Variants in RPS6KC1 observed in about 807,000 individuals in gnomAD.
The protein encoded by RPS6KC1 is ribosomal protein S6 kinase C1, also known as inactive ribosomal protein S6 kinase delta-1.
Under a neutral mutation model 103.8 loss-of-function variants are expected in RPS6KC1, and 54 were observed. The observed-to-expected ratio is 0.52, with a 90% confidence interval of 0.42 to 0.65. The LOEUF (loss-of-function observed/expected upper bound fraction) is 0.65. Among genes scored for constraint, RPS6KC1 ranks in the 30% least tolerant of loss-of-function variants. RPS6KC1 has a pLI of 0.00. For missense variants in RPS6KC1, 1,151 were observed against 1,253.8 expected, an observed-to-expected ratio of 0.92 and a Z score of 1.24; for synonymous variants, 439 against 438.7, an observed-to-expected ratio of 1.00 and a Z score of -0.01.
chr1:213,767,438 C>T, the RPS6KC1 span, among the ~76,000 whole-genome samples: 82,079 of 151,946 alleles, frequency 0.54, 23,914 homozygotes, highest in East Asian at 0.83. Context: ...TCTTCCCCTC[C>T]TCTGACCTAT....
chr1:213,209,524 C>T (rs1031300943), intron 8 of RPS6KC1, among the ~76,000 whole-genome samples: 3 of 151,808 alleles, frequency 2.0e-5, no homozygotes, highest in Non-Finnish European at 4.4e-5. Flanking sequence ...GGTGAAACTC[C>T]ATTTCTACTA....
At chr1:213,808,073 G>A in the RPS6KC1 span, among the ~76,000 whole-genome samples, 11 of 152,288 alleles carry the variant, frequency 7.2e-5, no homozygotes, top group East Asian at 5.8e-4. Context: ...TATCAGCAGC[G>A]GTGTCTGCAG....
the RPS6KC1 span, among the ~76,000 whole-genome samples, chr1:213,618,904 A>G: frequency 6.6e-6 from 1 of 152,372 alleles, no homozygotes; most frequent in African/African-American, 2.4e-5. Flanking sequence ...CTCAAGAGGT[A>G]CCTGACCAGA....
At chr1:213,338,127 TTAAA>T in the RPS6KC1 span, among the ~76,000 whole-genome samples, 1 of 152,190 alleles carries the variant, frequency 6.6e-6, no homozygotes, top group Non-Finnish European at 1.5e-5. Context: ...TTCCTTAATG[TTAAA>T]TAAATAATTA....
At chr1:213,206,795 A>G (rs1374014443) in intron 8 of RPS6KC1, among the ~76,000 whole-genome samples, 1 of 152,100 alleles carries the variant, frequency 6.6e-6, no homozygotes, top group African/African-American at 2.4e-5. Context: ...TCCTTGTACA[A>G]AATTTTTTCT....
intron 6 of RPS6KC1, among the ~76,000 whole-genome samples, chr1:213,152,563 G>T (rs2089299963): frequency 1.3e-5 from 2 of 149,958 alleles, no homozygotes; most frequent in Non-Finnish European, 3.0e-5. Context: ...TCCCAGACGG[G>T]GTTGCCGCCG....
intron 4 of RPS6KC1, among the ~76,000 whole-genome samples, chr1:213,109,769 CTTG>C (rs2082837587): frequency 6.6e-6 from 1 of 150,454 alleles, no homozygotes; most frequent in South Asian, 2.1e-4. Context: ...CATACAAGTT[CTTG>C]TGCAGACAGG....
chr1:213,241,232 A>G lies in RPS6KC1; in HGVS notation c.1756A>G (p.Thr586Ala), dbSNP rs1206694765. 4 of 1,613,754 alleles carry G rather than the reference A, an allele frequency of 2.5e-6. No homozygotes were observed. The African/African-American group carries it at 5.3e-5, about 22-fold the overall frequency. The stretch of plus-strand genomic sequence containing the variant: ...CCCAGAAGCAGTTAGTTCTCCAAGA[A>G]CATCAGATTCCCTCAGTAGATCAAA... ...DDPEAVSSPR[T>A]SDSLSRSKNS... is the part of the protein sequence containing the mutation. Residue 586 changes from threonine to alanine, a missense_variant, in exon 11 of 15, where the codon ACA becomes GCA. Physicochemically the swap from Thr to Ala is moderately conservative, Grantham distance 58. Transcript: ENST00000366960.
At chr1:213,320,111 C>G in the RPS6KC1 span, among the ~76,000 whole-genome samples, 1 of 152,166 alleles carries the variant, frequency 6.6e-6, no homozygotes, top group African/African-American at 2.4e-5. Flanking sequence ...AACAAGTTCA[C>G]TGTATTTTTA....
At chr1:213,509,815 A>T in the RPS6KC1 span, among the ~76,000 whole-genome samples, 1 of 152,078 alleles carries the variant, frequency 6.6e-6, no homozygotes, top group African/African-American at 2.4e-5. Flanking sequence ...ACCAGTTTTT[A>T]TACCAGTATC....
At chr1:213,626,857 C>T in the RPS6KC1 span, among the ~76,000 whole-genome samples, 2 of 152,098 alleles carry the variant, frequency 1.3e-5, no homozygotes, top group East Asian at 1.9e-4. Context: ...AGCCAGGTAG[C>T]GTGATGCCTC....
the RPS6KC1 span, among the ~76,000 whole-genome samples, chr1:213,330,104 A>G: frequency 6.6e-6 from 1 of 152,226 alleles, no homozygotes; most frequent in Non-Finnish European, 1.5e-5. Context: ...CTCCTTAGCC[A>G]TTACTTTTAA....
intron 8 of RPS6KC1, among the ~76,000 whole-genome samples, chr1:213,181,809 G>A (rs2092283939): frequency 6.6e-6 from 1 of 152,186 alleles, no homozygotes; most frequent in Non-Finnish European, 1.5e-5. Context: ...ATTTGTTGCT[G>A]ACCAGCCTAC....
At chr1:213,792,676 A>G in the RPS6KC1 span, among the ~76,000 whole-genome samples, 5 of 152,296 alleles carry the variant, frequency 3.3e-5, no homozygotes, top group African/African-American at 1.2e-4. Flanking sequence ...ATGCATATGA[A>G]TGGTATAGCA....
the RPS6KC1 span, among the ~76,000 whole-genome samples, chr1:213,780,058 C>T: frequency 3.0e-4 from 45 of 152,190 alleles, no homozygotes; most frequent in African/African-American, 1.0e-3. Context: ...AGAAGTAAAA[C>T]ATTTACATGT....
chr1:213,775,067 GA>G, the RPS6KC1 span, among the ~76,000 whole-genome samples: 1 of 152,152 alleles, frequency 6.6e-6, no homozygotes, highest in South Asian at 2.1e-4. Context: ...TGACAGAAGA[GA>G]GGGAGAAAGT....
chr1:213,610,626 A>C, the RPS6KC1 span, among the ~76,000 whole-genome samples: 2 of 152,158 alleles, frequency 1.3e-5, no homozygotes, highest in African/African-American at 4.8e-5. Flanking sequence ...GTGACCTTGA[A>C]GTTTATTCCT....
the RPS6KC1 span, among the ~76,000 whole-genome samples, chr1:213,672,111 A>G: frequency 6.6e-6 from 1 of 152,066 alleles, no homozygotes; most frequent in African/African-American, 2.4e-5. Flanking sequence ...GATGCTCTGG[A>G]CTGTACTCTA....
At chr1:213,453,996 GTT>G in the RPS6KC1 span, among the ~76,000 whole-genome samples, 2 of 152,054 alleles carry the variant, frequency 1.3e-5, no homozygotes, top group Non-Finnish European at 2.9e-5. Flanking sequence ...TAATAAAAAG[GTT>G]TGTCATGAAT....
Sources: allele counts gnomAD v4.1 joint callset (sites outside exome capture counted in the v4.1 genomes callset), GRCh38; gene constraint gnomAD v4.1.1; transcripts MANE v1.5; gene names NCBI Gene and HGNC (gene_info 2026-07-23, HGNC 2026-07-21).